The following FBLN5 variants were observed in gnomAD, a reference collection of about 807,000 sequenced individuals.
FBLN5 encodes fibulin-5.
A neutral mutation model predicts 61.6 loss-of-function variants in FBLN5; 24 were observed. The ratio of observed to expected loss-of-function variants is 0.39; its 90% CI spans 0.28 to 0.55. FBLN5 has a LOEUF of 0.55. Among genes scored for constraint, FBLN5 ranks in the 20% least tolerant of loss-of-function variants. FBLN5 has a pLI of 0.65. For missense variants in FBLN5, 470 were observed against 594.1 expected (o/e 0.79, Z 2.17); for synonymous variants, 213 against 219.8 (o/e 0.97, Z 0.27).
rs1330419610 is a variant in FBLN5 at position 91,891,291 on chromosome 14, A to G, written c.549T>C (p.Asn183=). 1.9e-6 allele frequency: 3 copies of G among 1,613,970 alleles called. No homozygotes were observed. The South Asian group carries it at 3.3e-5, about 18-fold the overall frequency. The change falls in exon 6 of 11, where the codon AAT becomes AAC. Residue 183 remains asparagine, a synonymous_variant. Transcript: ENST00000342058. ...RYGYCQQLCA[N]VPGSYSCTCN... ...ATGTACAAGAATAGGATCCAGGAAC[A>G]TTCGCACAGAGCTGCTGGCAGTAAC...
intron 4 of FBLN5, among the ~76,000 whole-genome samples, chr14:91,918,844 G>C (rs1258205275): frequency 6.6e-6 from 1 of 152,186 alleles, no homozygotes; most frequent in Non-Finnish European, 1.5e-5. Flanking sequence ...AGGACACGAA[G>C]CTTTAATGAG....
At chr14:91,914,019 C>T (rs1234393837) in intron 4 of FBLN5, among the ~76,000 whole-genome samples, 1 of 152,188 alleles carries the variant, frequency 6.6e-6, no homozygotes, top group Non-Finnish European at 1.5e-5. Flanking sequence ...GAAAGGCTTA[C>T]AGTTAATGAG....
chr14:91,883,664 A>AAAAAAAAAAC lies in FBLN5; in HGVS notation c.740-589_740-588insGTTTTTTTTT, dbSNP rs758858453. Reference sequence around the variant, plus strand: ...ACTGTGTAAAAAAAAAAACAAAAAAAACACACACACACAAAAACAAAAACA... The same window carrying AAAAAAAAAAC: ...ACTGTGTAAAAAAAAAAACAAAAAAAAAAAAAAAACACACACACACACAAAAACAAAAACA... On this transcript the variant is annotated intron_variant, in intron 7 of 10. Coordinates refer to ENST00000342058, the MANE Select transcript of FBLN5 (RefSeq NM_006329.4). Among the ~76,000 whole-genome samples, 159 of 148,410 alleles carry AAAAAAAAAAC rather than the reference A, an allele frequency of 1.1e-3. 2 individuals carry two copies. The highest frequency in any genetic ancestry group is 2.7e-3 in the African/African-American group (107 of 39,692).
At chr14:91,917,808 G>T (rs1891259685) in intron 4 of FBLN5, among the ~76,000 whole-genome samples, 1 of 152,152 alleles carries the variant, frequency 6.6e-6, no homozygotes, top group African/African-American at 2.4e-5. Flanking sequence ...AGTAACAAGT[G>T]AATGTATTTC....
At chr14:91,910,320 A>T (rs1327970665) in intron 4 of FBLN5, among the ~76,000 whole-genome samples, 1 of 152,208 alleles carries the variant, frequency 6.6e-6, no homozygotes, top group South Asian at 2.1e-4. Flanking sequence ...ATATTTAAAG[A>T]GGTCAAATTC....
chr14:91,912,704 G>A (rs866638811), intron 4 of FBLN5, among the ~76,000 whole-genome samples: 1 of 151,732 alleles, frequency 6.6e-6, no homozygotes, highest in African/African-American at 2.4e-5. Flanking sequence ...CAGCTACTCG[G>A]GAGGCTAAGG....
chr14:91,909,970 C>A (rs995047464), intron 4 of FBLN5, among the ~76,000 whole-genome samples: 2 of 152,156 alleles, frequency 1.3e-5, no homozygotes, highest in Non-Finnish European at 2.9e-5. Context: ...TATGGTGGTT[C>A]TCCAAAAATT....
Position 91,870,236 on chromosome 14 carries a change from C to T in FBLN5, c.1335G>A (p.Gln445=). The change falls in exon 11 of 11, where the codon CAG becomes CAA. Residue 445 remains glutamine (Q), a synonymous_variant. Transcript: ENST00000342058. ...SVIRLRIYVS[Q]YPF ...TCCAGCCCGAGGCTCAGAATGGGTA[C>T]TGCGACACATATATCCGCAGTCGGA... The T allele has an allele frequency of 6.2e-7, 1 of 1,614,222 alleles. No individual in the cohort carries two copies. The highest frequency in any genetic ancestry group is 1.1e-5 in the South Asian group (1 of 91,086).
chr14:91,922,507 AG>A (rs2055757421), intron 4 of FBLN5, among the ~76,000 whole-genome samples: 1 of 152,138 alleles, frequency 6.6e-6, no homozygotes, highest in Non-Finnish European at 1.5e-5. Context: ...CAGTAACCGC[AG>A]GACCCAGCCT....
rs1283621704 is a variant in FBLN5, at chr14:91,919,758, G to A, written c.379+17189C>T. Among the ~76,000 whole-genome samples, 3 of 152,226 alleles carry A rather than the reference G, an allele frequency of 2.0e-5. No homozygotes were observed. The East Asian group carries it at 5.8e-4, about 29-fold the overall frequency. On this transcript the variant is annotated intron_variant, in intron 4 of 10. Coordinates refer to ENST00000342058, the MANE Select transcript of FBLN5 (RefSeq NM_006329.4). ...AGCTATAAGCCAATTAGAAAGACAA[G>A]GAACAGATCCTTCCCTTGCAGCCCT...
chr14:91,947,411 G>A lies in FBLN5; in HGVS notation c.-182C>T, dbSNP rs1485666021. 1.9e-5 allele frequency: 13 copies of A among 692,414 alleles called. No individual in the cohort carries two copies. In the East Asian group the frequency reaches 3.5e-4, roughly 19 times the overall value. The allele number at this position is 692,414 out of a possible 1,614,324, so 42.9% of individuals were successfully genotyped here. On this transcript the variant is annotated 5_prime_UTR_variant, in exon 1 of 11. Coordinates refer to ENST00000342058, the MANE Select transcript of FBLN5 (RefSeq NM_006329.4). This position sits in a 1 kb window ranked among gnomAD's most constrained non-coding sequence, Gnocchi z 4.3. The stretch of plus-strand genomic sequence containing the variant: ...GAGCGCCGGGGTCCTCCCAGCCACT[G>A]CAGAGCCCTCAGCGCAAGCACCTGG...
intron 4 of FBLN5, among the ~76,000 whole-genome samples, chr14:91,918,177 G>A (rs2140018776): frequency 6.6e-6 from 1 of 152,270 alleles, no homozygotes; most frequent in Middle Eastern, 3.4e-3. Flanking sequence ...CTCATCTGAT[G>A]GTACATTCCT....
chr14:91,883,386 T>C (rs989099974), intron 7 of FBLN5, among the ~76,000 whole-genome samples: 1 of 152,004 alleles, frequency 6.6e-6, no homozygotes, highest in Non-Finnish European at 1.5e-5. Context: ...TAAACCTATT[T>C]CACCATGTAG....
At chr14:91,881,123 A>ACCCCC (rs113395651) in intron 9 of FBLN5, among the ~76,000 whole-genome samples, 169 bp downstream of exon 9, 58 of 120,372 alleles carry the variant, frequency 4.8e-4, no homozygotes, top group African/African-American at 1.8e-3. Flanking sequence ...TCTATTCTAC[A>ACCCCC]CACACACACA....
chr14:91,913,181 G>A (rs72705359), intron 4 of FBLN5, among the ~76,000 whole-genome samples: 29,669 of 152,104 alleles, frequency 0.2, 3,404 homozygotes, highest in Middle Eastern at 0.33. Context: ...GAGATGGTTC[G>A]TGTACAGAAC....
At chr14:91,942,710 A>G (rs2056125011) in intron 2 of FBLN5, among the ~76,000 whole-genome samples, 197 bp downstream of exon 2, 1 of 152,148 alleles carries the variant, frequency 6.6e-6, no homozygotes, top group Non-Finnish European at 1.5e-5. Flanking sequence ...CTTGTCACTT[A>G]CAAGTCATGT....
At chr14:91,929,217 A>C (rs2055884211) in intron 4 of FBLN5, among the ~76,000 whole-genome samples, 1 of 152,070 alleles carries the variant, frequency 6.6e-6, no homozygotes. Context: ...AGGTTTCAAA[A>C]CATTTCAAAA....
intron 4 of FBLN5, among the ~76,000 whole-genome samples, chr14:91,924,952 G>T (rs1228231814): frequency 1.3e-5 from 2 of 152,228 alleles, no homozygotes; most frequent in East Asian, 3.9e-4. Context: ...CAGAGTCAGG[G>T]TTTTTTGTGT....
chr14:91,943,541 A>C lies in FBLN5; in HGVS notation c.18-580T>G, dbSNP rs746875100. Among the ~76,000 whole-genome samples the C allele has an allele frequency of 1.3e-5, 2 of 151,218 alleles. No homozygotes were observed. Among genetic ancestry groups the C allele is most frequent in the Non-Finnish European group, 2.9e-5 (2 of 67,834 alleles). On this transcript the variant is annotated intron_variant, in intron 1 of 10. Coordinates refer to ENST00000342058, the MANE Select transcript of FBLN5 (RefSeq NM_006329.4). This position sits in a 1 kb window ranked among gnomAD's most constrained non-coding sequence, Gnocchi z 4.0. ...CCCCCCAAAAAAGCTAAAACCTCCCACTATGGTATTAACCAGTTCCTTGGT... is the reference window on the plus strand; with the variant it reads ...CCCCCCAAAAAAGCTAAAACCTCCCCCTATGGTATTAACCAGTTCCTTGGT...
Sources: gnomAD v4.1 joint callset for allele counts (sites outside exome capture counted in the v4.1 genomes callset) on GRCh38, gnomAD v4.1.1 for gene constraint, Gnocchi (gnomAD v3.1) non-coding constraint, MANE v1.5 for transcripts, NCBI Gene and HGNC (gene_info 2026-07-23, HGNC 2026-07-21) for gene names.